AK5: variants seen among roughly 807,000 people sequenced by gnomAD.
AK5 encodes the protein adenylate kinase 5.
A neutral mutation model predicts 69.5 loss-of-function variants in AK5; 27 were observed. The observed-to-expected ratio is 0.39, with a 90% CI of 0.29 to 0.54. The LOEUF (loss-of-function observed/expected upper bound fraction) is 0.54, where lower values mean the gene tolerates loss of function less well. Ranked by LOEUF, AK5 falls within the 20% of genes least tolerant of loss-of-function variation. AK5 has a pLI of 0.71. For synonymous variants in AK5, 260 were observed against 244.4 expected (o/e 1.06, Z -0.60); for missense variants, 531 against 700.4 (o/e 0.76, Z 2.73).
At chr1:77,538,306 T>C (rs1659077774) in intron 13 of AK5, among the ~76,000 whole-genome samples, 1 of 149,238 alleles carries the variant, frequency 6.7e-6, no homozygotes, top group South Asian at 2.1e-4. Context: ...ACCACTGCAC[T>C]CCAGCCTGGG....
chr1:77,544,611 A>C (rs1557665967), intron 13 of AK5, among the ~76,000 whole-genome samples: 1 of 151,798 alleles, frequency 6.6e-6, no homozygotes, highest in African/African-American at 2.4e-5. Context: ...AGGCCTGCCT[A>C]CACAGGGTTA....
chr1:77,498,097 G>A (rs1337492270), intron 10 of AK5, among the ~76,000 whole-genome samples: 3 of 152,188 alleles, frequency 2.0e-5, no homozygotes, highest in Admixed American at 1.3e-4. Flanking sequence ...CCCTGCCAGA[G>A]CCAGAGGAGA....
chr1:77,421,137 G>A (rs538808840), intron 8 of AK5, among the ~76,000 whole-genome samples: 4 of 152,274 alleles, frequency 2.6e-5, no homozygotes, highest in Admixed American at 2.0e-4. Flanking sequence ...GACTCCTGTC[G>A]TGAACCATTC....
intron 6 of AK5, among the ~76,000 whole-genome samples, chr1:77,394,771 T>C (rs924605688): frequency 1.3e-5 from 2 of 152,192 alleles, no homozygotes; most frequent in Non-Finnish European, 2.9e-5. Flanking sequence ...TATTATATGA[T>C]ACTAGAGAAA....
intron 6 of AK5, among the ~76,000 whole-genome samples, chr1:77,341,374 C>CA (rs1417129671): frequency 6.6e-6 from 1 of 152,248 alleles, no homozygotes; most frequent in Non-Finnish European, 1.5e-5. Context: ...AGCTGCTTGA[C>CA]AGCTAGATGG....
rs115485012 is a variant in AK5, at chr1:77,377,074, G to A, written c.892-33907G>A. On this transcript the variant is annotated intron_variant, in intron 6 of 13. Transcript: ENST00000354567. ...CAATAATTTGCCCCAGCAGTACGAA[G>A]CAGATCCTCTCCCATCTTTTGTGGG... 7.2e-3 allele frequency among the ~76,000 whole-genome samples: 1,104 copies of A among 152,320 alleles called. 10 individuals are homozygous for A. The highest frequency in any genetic ancestry group is 0.025 in the African/African-American group (1,037 of 41,568).
chr1:77,474,198 G>T (rs1225721835), intron 8 of AK5, among the ~76,000 whole-genome samples: 1 of 152,172 alleles, frequency 6.6e-6, no homozygotes, highest in African/African-American at 2.4e-5. Context: ...CAACTGCTCA[G>T]CAGTCTCTCC....
chr1:77,324,318 CGT>C (rs10547281), intron 5 of AK5, among the ~76,000 whole-genome samples: 32,085 of 148,554 alleles, frequency 0.22, 3,817 homozygotes, highest in East Asian at 0.53. Flanking sequence ...TCACCATTTG[CGT>C]GTGTGTGTGT....
chr1:77,531,466 C>A (rs1658580487), intron 12 of AK5, among the ~76,000 whole-genome samples: 1 of 152,110 alleles, frequency 6.6e-6, no homozygotes, highest in Non-Finnish European at 1.5e-5. Flanking sequence ...AAGTCCCCAC[C>A]AGGGTAGCTA....
intron 9 of AK5, among the ~76,000 whole-genome samples, chr1:77,484,516 C>T (rs889975142): frequency 1.3e-5 from 2 of 152,122 alleles, no homozygotes; most frequent in African/African-American, 4.8e-5. Flanking sequence ...CAAATGACAT[C>T]TTGGTGATTC....
chr1:77,484,983 A>T (rs1053359117), intron 9 of AK5, among the ~76,000 whole-genome samples: 2 of 152,208 alleles, frequency 1.3e-5, no homozygotes, highest in Admixed American at 6.5e-5. Flanking sequence ...ACCAAAAAAA[A>T]TCACAATAAT....
chr1:77,342,555 G>T (rs898088418), intron 6 of AK5, among the ~76,000 whole-genome samples: 1 of 152,132 alleles, frequency 6.6e-6, no homozygotes, highest in Non-Finnish European at 1.5e-5. Flanking sequence ...AACTTGCCTA[G>T]TAAAGTCGCC....
chr1:77,421,734 A>G (rs1324739275), intron 8 of AK5, among the ~76,000 whole-genome samples: 1 of 152,124 alleles, frequency 6.6e-6, no homozygotes, highest in East Asian at 1.9e-4. Context: ...ACCTGCCTCC[A>G]TGTGATCCCT....
chr1:77,522,902 C>A (rs1228197863), intron 12 of AK5, among the ~76,000 whole-genome samples: 1 of 151,714 alleles, frequency 6.6e-6, no homozygotes. Context: ...TTTTTAATAA[C>A]CTTTTTAGAT....
chr1:77,470,272 A>G (rs985913797), intron 8 of AK5, among the ~76,000 whole-genome samples: 1 of 152,216 alleles, frequency 6.6e-6, no homozygotes, highest in African/African-American at 2.4e-5. Flanking sequence ...AGTGAAGCCA[A>G]GGCGGGAGGA....
chr1:77,397,405 C>T (rs1416040051), intron 6 of AK5, among the ~76,000 whole-genome samples: 2 of 152,128 alleles, frequency 1.3e-5, no homozygotes, highest in Non-Finnish European at 2.9e-5. Context: ...GAGACGTTGC[C>T]GTGTTTGACT....
At chr1:77,299,957 A>G (rs1557475578) in intron 5 of AK5, among the ~76,000 whole-genome samples, 1 of 152,222 alleles carries the variant, frequency 6.6e-6, no homozygotes, top group Non-Finnish European at 1.5e-5. Context: ...TTAACAAAAT[A>G]TCTCATTTTC....
At position 77,334,267 on chromosome 1, in the gene AK5, A is replaced by G. The variant is rs139282735; in HGVS notation, c.700-6110A>G. Among the ~76,000 whole-genome samples the G allele has an allele frequency of 5.3e-5, 8 of 152,330 alleles. No homozygotes were observed. The East Asian group carries it at 1.3e-3, about 26-fold the overall frequency. On this transcript the variant is annotated intron_variant, in intron 5 of 13. Transcript: ENST00000354567. Reference sequence around the variant, plus strand: ...TTATATATCAACACTTTAAAAAAATAGTGTCATTGTTTTCTGACTTTCATT... The same window carrying G: ...TTATATATCAACACTTTAAAAAAATGGTGTCATTGTTTTCTGACTTTCATT...
At chr1:77,501,486 C>A (rs569366003) in intron 10 of AK5, among the ~76,000 whole-genome samples, 42 of 152,180 alleles carry the variant, frequency 2.8e-4, no homozygotes, top group Non-Finnish European at 3.1e-4. Flanking sequence ...ATGGTATAGC[C>A]TATTGCTCCC....
Sources: gnomAD v4.1 joint callset for allele counts (sites outside exome capture counted in the v4.1 genomes callset) on GRCh38, gnomAD v4.1.1 for gene constraint, MANE v1.5 for transcripts, NCBI Gene and HGNC (gene_info 2026-07-23, HGNC 2026-07-21) for gene names.